Variants in PDIA6 observed in about 807,000 individuals in gnomAD.
PDIA6 encodes the protein protein disulfide-isomerase A6.
In PDIA6, 29 loss-of-function variants were observed where a neutral mutation model predicts 58.4. The ratio of observed to expected loss-of-function variants is 0.50; its 90% confidence interval spans 0.37 to 0.68. The LOEUF (loss-of-function observed/expected upper bound fraction) is 0.68, where lower values mean the gene tolerates loss of function less well. Ranked by LOEUF, PDIA6 falls within the 30% of genes least tolerant of loss-of-function variation. PDIA6 has a pLI of 0.00. For missense variants in PDIA6, 480 were observed against 551.0 expected (o/e 0.87, Z 1.29); for synonymous variants, 192 against 202.6 (o/e 0.95, Z 0.44).
At chr2:10,835,886 A>C (rs921119796), upstream of PDIA6, among the ~76,000 whole-genome samples, 5 of 152,174 alleles carry the variant, frequency 3.3e-5, no homozygotes, top group African/African-American at 1.2e-4. Flanking sequence ...TCCCGTCTCT[A>C]CTAAAAATAC....
chr2:10,789,924 A>T (rs1686514), intron 7 of PDIA6, 35 bp from the exon 8 acceptor site: 866,112 of 1,575,378 alleles, frequency 0.55, 243,246 homozygotes, highest in Middle Eastern at 0.59. Flanking sequence ...AAATCCAATT[A>T]ACACTTAATG....
chr2:10,784,356 T>C (rs1438648922), intron 12 of PDIA6, 30 bp from the exon 13 acceptor site: 2 of 1,586,706 alleles, frequency 1.3e-6, no homozygotes. Context: ...CACTGTTAGA[T>C]CTGCAGAAGG....
intron 1 of PDIA6, among the ~76,000 whole-genome samples, chr2:10,828,861 C>T (rs62120276): frequency 0.034 from 5,124 of 152,334 alleles, 114 homozygotes; most frequent in Non-Finnish European, 0.052. Context: ...CAGGGGCACT[C>T]CGGAAGCCTG....
chr2:10,824,808 GT>G (rs1176964056), intron 1 of PDIA6, among the ~76,000 whole-genome samples: 2 of 152,234 alleles, frequency 1.3e-5, no homozygotes, highest in Non-Finnish European at 2.9e-5. Context: ...GTTTAAGCAA[GT>G]TTGATTTGGG....
chr2:10,811,525 T>C (rs1330762904), intron 1 of PDIA6, among the ~76,000 whole-genome samples: 1 of 151,908 alleles, frequency 6.6e-6, no homozygotes, highest in African/African-American at 2.4e-5. Context: ...TACTAACTCA[T>C]TAATCCTCAG....
At position 10,793,178 on chromosome 2, in the gene PDIA6, A is replaced by G. The variant is rs1666113462; in HGVS notation, c.371T>C (p.Val124Ala). 4 of 1,614,044 alleles carry G rather than the reference A, an allele frequency of 2.5e-6. No homozygotes were observed. The South Asian group carries it at 3.3e-5, about 13-fold the overall frequency. Reference sequence around the variant, plus strand: ...GCGCAGAGCACTCAGCGCAGCATCTACAATGGCTTCACCAGTTCTGCCACC... The same window carrying G: ...GCGCAGAGCACTCAGCGCAGCATCTGCAATGGCTTCACCAGTTCTGCCACC... ...YQGGRTGEAI[V>A]DAALSALRQL... Residue 124 changes from valine (V) to alanine (A), a missense_variant, in exon 5 of 13, where the codon GTA (valine) becomes GCA (alanine). By Grantham distance (64) the Val-to-Ala change is moderately conservative. Coordinates refer to ENST00000272227, the MANE Select transcript of PDIA6 (RefSeq NM_005742.4).
chr2:10,810,217 A>G, intron 1 of PDIA6: 4 of 1,196,830 alleles, frequency 3.3e-6, no homozygotes, highest in Non-Finnish European at 4.8e-6. Context: ...AGACCAGGAA[A>G]CTTTAACACA....
At position 10,821,114 on chromosome 2, in the gene PDIA6, G is replaced by A; in HGVS notation, c.-47-1760C>T. 7 of 424,850 alleles carry A rather than the reference G, an allele frequency of 1.6e-5. No homozygotes were observed. In the South Asian group the frequency reaches 1.8e-4, roughly 11 times the overall value. The allele number at this position is 424,850 out of a possible 1,614,324, so 26.3% of individuals were successfully genotyped here. ...TGGAATGCCCTCTTCTCACTTTTCT[G>A]TTGTTGAAATATTGCCCATCCTTTA... is the stretch of plus-strand genomic sequence containing the variant. On this transcript the variant is annotated intron_variant, in intron 1 of 13. Coordinates refer to the PDIA6 transcript ENST00000381611.
upstream of PDIA6, among the ~76,000 whole-genome samples, chr2:10,814,973 C>G (rs1290440862): frequency 6.6e-6 from 1 of 152,222 alleles, no homozygotes; most frequent in African/African-American, 2.4e-5. Context: ...GAGGCCAGAT[C>G]ATAACTCCCT....
intron 1 of PDIA6, among the ~76,000 whole-genome samples, chr2:10,806,913 GT>G (rs1666792029): frequency 6.6e-6 from 1 of 152,178 alleles, no homozygotes; most frequent in Admixed American, 6.5e-5. Context: ...TGTAGCCTAG[GT>G]TTTTAGTAAG....
intron 11 of PDIA6, among the ~76,000 whole-genome samples, chr2:10,785,435 C>T (rs6756672): frequency 9.2e-5 from 14 of 152,052 alleles, no homozygotes; most frequent in Non-Finnish European, 1.9e-4. Context: ...GGTTCCAGTG[C>T]GCTGGCAGAG....
intron 1 of PDIA6, among the ~76,000 whole-genome samples, chr2:10,804,313 T>C (rs1666644873): frequency 6.8e-6 from 1 of 147,356 alleles, no homozygotes; most frequent in Non-Finnish European, 1.5e-5. Context: ...AGGTCTAACG[T>C]TTAAGTCTTT....
upstream of PDIA6, among the ~76,000 whole-genome samples, chr2:10,816,077 C>CTTTTTTTTTTTTTTTTTTTTTT (rs57404091): frequency 3.1e-5 from 3 of 96,472 alleles, no homozygotes; most frequent in African/African-American, 1.3e-4. Flanking sequence ...AATCATTTGT[C>CTTTTTTTTTTTTTTTTTTTTTT]TTTTTTTTTT....
chr2:10,792,957 G>C (rs1272792077), intron 5 of PDIA6, 139 bp downstream of exon 5: 2 of 651,554 alleles, frequency 3.1e-6, no homozygotes, highest in Non-Finnish European at 5.5e-6. Flanking sequence ...CTCTGGGATC[G>C]GTGGATCCAA....
intron 1 of PDIA6, 43 bp downstream of exon 1, chr2:10,812,635 C>T (rs1398331906): frequency 4.7e-6 from 7 of 1,501,820 alleles, no homozygotes; most frequent in South Asian, 1.2e-5. Flanking sequence ...ACCTTTCAGG[C>T]CGACCCCAGC....
At chr2:10,830,896 G>A (rs938276193) in intron 1 of PDIA6, among the ~76,000 whole-genome samples, 3 of 152,154 alleles carry the variant, frequency 2.0e-5, no homozygotes, top group East Asian at 3.9e-4. Flanking sequence ...CTCCTTGGGC[G>A]CTTGGCCACG....
At chr2:10,808,015 A>G (rs1387568) in intron 1 of PDIA6, among the ~76,000 whole-genome samples, 12,153 of 152,256 alleles carry the variant, frequency 0.08, 629 homozygotes, top group South Asian at 0.14. Context: ...TCTGTACGCT[A>G]TAGGTATGAA....
chr2:10,812,793 G>T (rs1339818232), upstream of PDIA6: 2 of 1,237,010 alleles, frequency 1.6e-6, no homozygotes, highest in Non-Finnish European at 2.0e-6. Flanking sequence ...CCCGCCCCAG[G>T]CCAGTCCGGT....
exon 1 of PDIA6, chr2:10,837,536 G>A (rs1246131991): frequency 1.1e-5 from 8 of 719,860 alleles, no homozygotes; most frequent in Non-Finnish European, 1.7e-5. Flanking sequence ...CGATCCGAGC[G>A]CCGTGCAAGT....
Sources: allele counts gnomAD v4.1 joint callset (sites outside exome capture counted in the v4.1 genomes callset), GRCh38; gene constraint gnomAD v4.1.1; transcripts MANE v1.5; gene names NCBI Gene and HGNC (gene_info 2026-07-23, HGNC 2026-07-21).